The following SIRT2 variants were observed in gnomAD, a reference collection of about 807,000 sequenced individuals.
The protein encoded by SIRT2 is NAD-dependent protein deacetylase sirtuin-2.
Under a neutral mutation model 57.4 loss-of-function variants are expected in SIRT2, and 40 were observed. That is an observed-to-expected ratio of 0.70 (90% CI 0.54 to 0.91). The LOEUF (loss-of-function observed/expected upper bound fraction) is 0.91. SIRT2 is among the 40% of genes least tolerant of loss of function. The probability of loss-of-function intolerance (pLI) is 0.00; values close to 1 mark genes in which losing one functional copy is unlikely to be tolerated. For synonymous variants in SIRT2, 161 were observed against 195.7 expected, an observed-to-expected ratio of 0.82 and a Z score of 1.48; for missense variants, 439 against 510.4, an observed-to-expected ratio of 0.86 and a Z score of 1.35.
At position 38,892,727 on chromosome 19, in the gene SIRT2, C is replaced by A. The variant is rs78286767; in HGVS notation, c.226+687G>T. On this transcript the variant is annotated intron_variant, in intron 4 of 15. Coordinates refer to ENST00000249396, the MANE Select transcript of SIRT2 (RefSeq NM_012237.4). ...TAACTGAGACTACAGGCAACGCCCC[C>A]ATATCTGACTATTTTTTTTTTTCTT... 4.6e-3 allele frequency among the ~76,000 whole-genome samples: 650 copies of A among 142,004 alleles called. 4 individuals are homozygous for A. The highest frequency in any genetic ancestry group is 0.04 in the South Asian group (157 of 3,880). The allele number at this position is 142,004 out of a possible 152,430, so 93.2% of individuals were successfully genotyped here.
Position 38,880,781 on chromosome 19 carries a change from G to A in SIRT2, c.824+40C>T. The A allele has an allele frequency of 6.2e-7, 1 of 1,611,684 alleles. No individual in the cohort carries two copies. Among genetic ancestry groups the A allele is most frequent in the Non-Finnish European group, 8.5e-7 (1 of 1,178,208 alleles). On this transcript the variant is annotated intron_variant, in intron 12 of 15. Transcript: ENST00000249396. This position sits in a 1 kb window ranked among gnomAD's most constrained non-coding sequence, Gnocchi z 4.1. ...AGGGGTCAGGGTCTGTCCTGGCCCT[G>A]GGTGCCCAGCCGTCCTCCCAGCCAC...
chr19:38,892,034 T>C, intron 4 of SIRT2: 4 of 397,252 alleles, frequency 1.0e-5, no homozygotes, highest in Non-Finnish European at 5.3e-6. Flanking sequence ...AAAGGGTCGA[T>C]TGTTCTAGTT....
At chr19:38,885,743 A>T (rs1973314723) in intron 8 of SIRT2, among the ~76,000 whole-genome samples, 1 of 151,998 alleles carries the variant, frequency 6.6e-6, no homozygotes, top group Admixed American at 6.6e-5. Flanking sequence ...GGCACGCGCC[A>T]CCATGCCTAG....
At chr19:38,884,230 GA>G (rs111558533) in intron 8 of SIRT2, among the ~76,000 whole-genome samples, 1 of 151,458 alleles carries the variant, frequency 6.6e-6, no homozygotes, top group African/African-American at 2.4e-5. Context: ...TCATTTTTCA[GA>G]AAAAAAATGT....
intron 4 of SIRT2, chr19:38,891,893 A>G (rs1211856013): frequency 2.1e-6 from 1 of 469,476 alleles, no homozygotes; most frequent in Non-Finnish European, 4.4e-6. Context: ...GGCTGCAGAC[A>G]GCTGCTCGCC....
rs139158985 is a variant in SIRT2 at position 38,897,024 on chromosome 19, G to A, written c.63+1355C>T. Among the ~76,000 whole-genome samples, 43 of 152,264 alleles carry A rather than the reference G, an allele frequency of 2.8e-4. No individual in the cohort carries two copies. The East Asian group carries it at 7.0e-3, about 25-fold the overall frequency. ...CTCCTGGCAGCCTCTGACAGGTGGCGTGCCCAGTGCTGGGGGACTCAAACC... is the reference window on the plus strand; with the variant it reads ...CTCCTGGCAGCCTCTGACAGGTGGCATGCCCAGTGCTGGGGGACTCAAACC... On this transcript the variant is annotated intron_variant, in intron 2 of 15. Transcript: ENST00000249396.
In SIRT2 at chr19:38,895,484, G is replaced by T. The variant is rs144849868; in HGVS notation, c.64-1617C>A. 2.1e-3 allele frequency among the ~76,000 whole-genome samples: 325 copies of T among 152,266 alleles called. 2 individuals are homozygous for T. Among genetic ancestry groups the T allele is most frequent in the Middle Eastern group, 6.8e-3 (2 of 294 alleles). On this transcript the variant is annotated intron_variant, in intron 2 of 15. Transcript: ENST00000249396. ...GAATGCCTGCTTCAGGCTGGACCAC[G>T]GCTGGGCCCTGCAATGGATTTCACC...
intron 4 of SIRT2, among the ~76,000 whole-genome samples, chr19:38,891,468 G>C (rs1973534393): frequency 6.6e-6 from 1 of 152,150 alleles, no homozygotes; most frequent in Non-Finnish European, 1.5e-5. Context: ...AGAATCGCTT[G>C]AACCCGGGAG....
At position 38,879,485 on chromosome 19, in the gene SIRT2, C is replaced by A; in HGVS notation, c.963G>T (p.Leu321=). 6.2e-7 allele frequency: 1 copy of A among 1,604,942 alleles called. No homozygotes were observed. Among genetic ancestry groups the A allele is most frequent in the Non-Finnish European group, 8.5e-7 (1 of 1,175,756 alleles). The change falls in exon 15 of 16, where the codon CTG becomes CTT. Residue 321 remains leucine, a synonymous_variant. Transcript: ENST00000249396. ...CCAGGCAGCCCTGGTCGCATTCACC[C>A]AGCCAGGCCACGTCCCTGCGGTGCA... ...SKKAYRDVAW[L]GECDQGCLAL...
intron 4 of SIRT2, among the ~76,000 whole-genome samples, chr19:38,892,294 G>A (rs1381915284): frequency 6.6e-6 from 1 of 151,930 alleles, no homozygotes; most frequent in Non-Finnish European, 1.5e-5. Flanking sequence ...CACTCGGGAG[G>A]CTGAGGCAGG....
chr19:38,897,426 G>C (rs1733558328), intron 2 of SIRT2, among the ~76,000 whole-genome samples: 1 of 152,144 alleles, frequency 6.6e-6, no homozygotes, highest in African/African-American at 2.4e-5. Context: ...AGCTAGACCA[G>C]CCTGTGGATT....
chr19:38,879,290 G>T lies in SIRT2; in HGVS notation c.1035C>A (p.Val345=), dbSNP rs143462028. 16 of 1,613,264 alleles carry T rather than the reference G, an allele frequency of 9.9e-6. No individual in the cohort carries two copies. The African/African-American group carries it at 1.9e-4, about 19-fold the overall frequency. ...LGWKKELEDL[V]RREHASIDAQ... is the part of the protein sequence containing the mutation. ...CATCTATGCTGGCGTGCTCCCTCCG[G>T]ACAAGGTCCTCCAGCTCCTTCTGCA... Residue 345 remains valine, a synonymous_variant, in exon 16 of 16, where the codon GTC becomes GTA. Transcript: ENST00000249396.
intron 4 of SIRT2, among the ~76,000 whole-genome samples, chr19:38,892,874 G>A (rs1973588820): frequency 6.6e-6 from 1 of 152,022 alleles, no homozygotes; most frequent in South Asian, 2.1e-4. Flanking sequence ...CACTGCCCCT[G>A]GTCCTATATT....
At chr19:38,899,391 C>T in intron 1 of SIRT2, 115 bp downstream of exon 1, 4 of 1,208,948 alleles carry the variant, frequency 3.3e-6, no homozygotes, top group Non-Finnish European at 4.7e-6. Context: ...GAATCCCACT[C>T]CCCGAAGCGC....
Position 38,880,780 on chromosome 19 carries a change from T to C in SIRT2, c.824+41A>G, listed in dbSNP as rs1973123990. The C allele has an allele frequency of 3.7e-6, 6 of 1,611,756 alleles. No individual in the cohort carries two copies. The highest frequency in any genetic ancestry group is 1.3e-5 in the African/African-American group (1 of 74,958). On this transcript the variant is annotated intron_variant, in intron 12 of 15. Transcript: ENST00000249396. The surrounding 1 kb of genome is among the most constrained non-coding windows in gnomAD (Gnocchi z 4.1). ...AAGGGGTCAGGGTCTGTCCTGGCCC[T>C]GGGTGCCCAGCCGTCCTCCCAGCCA...
intron 2 of SIRT2, among the ~76,000 whole-genome samples, chr19:38,896,710 G>T (rs1973728198): frequency 6.6e-6 from 1 of 152,162 alleles, no homozygotes; most frequent in Non-Finnish European, 1.5e-5. Context: ...TCTGACAGTG[G>T]TCGTGCTTTG....
rs185198815 is a variant in SIRT2 at position 38,885,032 on chromosome 19, G to A, written c.502-1276C>T. ...GCTTTAATCACTATCTTCCCCTTTA[G>A]TAGCCAGGGTCCTTTCTTACTATGG... On this transcript the variant is annotated intron_variant, in intron 8 of 15. Coordinates refer to ENST00000249396, the MANE Select transcript of SIRT2 (RefSeq NM_012237.4). Among the ~76,000 whole-genome samples, 185 of 152,142 alleles carry A rather than the reference G, an allele frequency of 1.2e-3. 1 individual carries two copies. Among genetic ancestry groups the A allele is most frequent in the African/African-American group, 4.3e-3 (177 of 41,516 alleles).
In SIRT2 at chr19:38,880,783, G is replaced by A. The variant is rs1274612510; in HGVS notation, c.824+38C>T. 1.9e-6 allele frequency: 3 copies of A among 1,612,168 alleles called. No homozygotes were observed. The highest frequency in any genetic ancestry group is 2.2e-5 in the East Asian group (1 of 44,872). On this transcript the variant is annotated intron_variant, in intron 12 of 15. Transcript: ENST00000249396. The surrounding 1 kb of genome is among the most constrained non-coding windows in gnomAD (Gnocchi z 4.1). ...GGGTCAGGGTCTGTCCTGGCCCTGGGTGCCCAGCCGTCCTCCCAGCCACAG... is the reference window on the plus strand; with the variant it reads ...GGGTCAGGGTCTGTCCTGGCCCTGGATGCCCAGCCGTCCTCCCAGCCACAG...
chr19:38,885,965 G>A (rs112909499), intron 8 of SIRT2, among the ~76,000 whole-genome samples: 8 of 152,166 alleles, frequency 5.3e-5, no homozygotes, highest in South Asian at 4.1e-4. Context: ...ACATTTGTGC[G>A]CGCTCATTTT....
Sources: allele counts gnomAD v4.1 joint callset (sites outside exome capture counted in the v4.1 genomes callset), GRCh38; gene constraint gnomAD v4.1.1; non-coding constraint Gnocchi (gnomAD v3.1); transcripts MANE v1.5; gene names NCBI Gene and HGNC (gene_info 2026-07-23, HGNC 2026-07-21).